The following UBR1 variants were observed in gnomAD, a reference collection of about 807,000 sequenced individuals.
UBR1 encodes the protein E3 ubiquitin-protein ligase UBR1.
A neutral mutation model predicts 242.1 loss-of-function variants in UBR1; 102 were observed. The ratio of observed to expected loss-of-function variants is 0.42; its 90% CI spans 0.36 to 0.50. UBR1 has a LOEUF of 0.50. UBR1 is among the 20% of genes least tolerant of loss of function. The probability of loss-of-function intolerance (pLI) is 0.01; values close to 1 mark genes in which losing one functional copy is unlikely to be tolerated. For missense variants in UBR1, 1,772 were observed against 2,101.8 expected (o/e 0.84, Z 3.07); for synonymous variants, 675 against 684.8 (o/e 0.99, Z 0.22).
Position 43,043,313 on chromosome 15 carries a change from G to A in UBR1, c.1751C>T (p.Thr584Ile), listed in dbSNP as rs753867982. The A allele has an allele frequency of 6.2e-7, 1 of 1,613,868 alleles. No homozygotes were observed. The highest frequency in any genetic ancestry group is 1.1e-5 in the South Asian group (1 of 91,080). ...ACTATGTCCACACGATTGTACTACT[G>A]TCTTGCTACTAGATATGAAACTGGT... ...CSTSFISSSK[T>I]VVQSCGHSLE... Residue 584 changes from threonine (T) to isoleucine (I), a missense_variant, in exon 15 of 47, where the codon ACA becomes ATA. By Grantham distance (89) the Thr-to-Ile change is moderately conservative. Coordinates refer to ENST00000290650, the MANE Select transcript of UBR1 (RefSeq NM_174916.3).
chr15:43,032,912 C>G (rs2033276218), intron 19 of UBR1, among the ~76,000 whole-genome samples: 1 of 152,216 alleles, frequency 6.6e-6, no homozygotes. Flanking sequence ...TTCAACTCTT[C>G]TTCTATTATT....
intron 39 of UBR1, among the ~76,000 whole-genome samples, chr15:42,971,926 C>T (rs1054397151): frequency 2.0e-5 from 3 of 152,098 alleles, no homozygotes; most frequent in Non-Finnish European, 2.9e-5. Flanking sequence ...AGAGGATTCC[C>T]TCTGTCTCTA....
rs919198834 is a variant in UBR1 at position 42,952,556 on chromosome 15, C to A, written c.4836-108G>T. 114 of 1,251,954 alleles carry A rather than the reference C, an allele frequency of 9.1e-5. No homozygotes were observed. The African/African-American group carries it at 1.5e-3, about 16-fold the overall frequency. The allele number at this position is 1,251,954 out of a possible 1,614,324, so 77.6% of individuals were successfully genotyped here. ...GCATGTTTTCATCACTGACCCCTTTCCAGCAAGGAAGCTCTTAAAACACAA... is the reference window on the plus strand; with the variant it reads ...GCATGTTTTCATCACTGACCCCTTTACAGCAAGGAAGCTCTTAAAACACAA... On this transcript the variant is annotated intron_variant, in intron 44 of 46. Coordinates refer to ENST00000290650, the MANE Select transcript of UBR1 (RefSeq NM_174916.3).
intron 46 of UBR1, among the ~76,000 whole-genome samples, chr15:42,947,731 C>T (rs1263258597): frequency 3.9e-5 from 6 of 152,094 alleles, no homozygotes; most frequent in Admixed American, 1.3e-4. Flanking sequence ...TTACAAGGGA[C>T]GTTTAGGACC....
intron 32 of UBR1, 114 bp downstream of exon 32, chr15:43,002,441 G>T: frequency 8.0e-7 from 1 of 1,248,244 alleles, no homozygotes; most frequent in Non-Finnish European, 1.1e-6. Context: ...GGCTGGTCTC[G>T]AACCCCTGAG....
chr15:43,001,135 G>T (rs558196857), intron 32 of UBR1, among the ~76,000 whole-genome samples: 1 of 151,888 alleles, frequency 6.6e-6, no homozygotes, highest in East Asian at 1.9e-4. Context: ...GCCCAGCCAA[G>T]GTTAGAGCAA....
chr15:43,104,278 T>C (rs1006241271), intron 1 of UBR1, among the ~76,000 whole-genome samples: 38 of 152,206 alleles, frequency 2.5e-4, no homozygotes, highest in African/African-American at 8.7e-4. Flanking sequence ...GGTTTTATTG[T>C]ATTATCTGGA....
At chr15:42,983,569 A>G (rs1325446292) in intron 37 of UBR1, among the ~76,000 whole-genome samples, 1 of 151,442 alleles carries the variant, frequency 6.6e-6, no homozygotes, top group Non-Finnish European at 1.5e-5. Flanking sequence ...GAGGGCTGAG[A>G]AAGCAGAATC....
intron 3 of UBR1, among the ~76,000 whole-genome samples, chr15:43,078,583 CTA>C (rs1185639297): frequency 6.6e-6 from 1 of 152,148 alleles, no homozygotes; most frequent in East Asian, 1.9e-4. Context: ...CTAAAGAAAA[CTA>C]TAACACAATG....
intron 3 of UBR1, among the ~76,000 whole-genome samples, chr15:43,082,067 T>C (rs2033980966): frequency 6.6e-6 from 1 of 152,170 alleles, no homozygotes; most frequent in African/African-American, 2.4e-5. Flanking sequence ...TTTTTATAAC[T>C]CCACAAACTT....
intron 40 of UBR1, among the ~76,000 whole-genome samples, chr15:42,966,995 C>T (rs939022887): frequency 7.9e-5 from 12 of 152,084 alleles, no homozygotes; most frequent in African/African-American, 2.4e-4. Context: ...TCTGGGCTCA[C>T]TGCAACCTCT....
chr15:42,999,153 C>T (rs192668256), intron 32 of UBR1, among the ~76,000 whole-genome samples: 14 of 152,208 alleles, frequency 9.2e-5, no homozygotes, highest in African/African-American at 3.4e-4. Context: ...GTTGGCCAGG[C>T]TGGTCTCGAT....
At chr15:43,026,789 A>G (rs2033183825) in intron 22 of UBR1, 126 bp from the exon 23 acceptor site, 2 of 775,596 alleles carry the variant, frequency 2.6e-6, no homozygotes, top group Admixed American at 2.6e-5. Flanking sequence ...CATTTAGCTT[A>G]TGAAAAATTC....
chr15:43,031,204 G>A (rs1027214632), intron 20 of UBR1, among the ~76,000 whole-genome samples: 2 of 151,750 alleles, frequency 1.3e-5, no homozygotes, highest in African/African-American at 4.8e-5. Context: ...ACTCCTGAGA[G>A]TAATGAACTT....
chr15:42,978,820 C>G (rs2032329892), intron 37 of UBR1, among the ~76,000 whole-genome samples: 1 of 151,364 alleles, frequency 6.6e-6, no homozygotes, highest in Non-Finnish European at 1.5e-5. Context: ...CCTCCGCCTC[C>G]CAGGTTCAAG....
chr15:42,967,219 G>GC (rs779608460), intron 40 of UBR1, among the ~76,000 whole-genome samples: 1 of 113,216 alleles, frequency 8.8e-6, no homozygotes, highest in African/African-American at 3.3e-5. Context: ...TGCTCAACTA[G>GC]TTTTTTTTTT....
At chr15:43,105,788 G>A (rs187982015) in intron 1 of UBR1, among the ~76,000 whole-genome samples, 154 bp downstream of exon 1, 13 of 152,300 alleles carry the variant, frequency 8.5e-5, no homozygotes, top group African/African-American at 3.1e-4. Context: ...AATGTGGGTT[G>A]CGACTAACTT....
At chr15:43,057,780 T>C (rs1012746490) in intron 10 of UBR1, among the ~76,000 whole-genome samples, 2 of 152,226 alleles carry the variant, frequency 1.3e-5, no homozygotes, top group African/African-American at 2.4e-5. Flanking sequence ...ACTGAATGCA[T>C]ATGTGAATGT....
chr15:42,977,501 G>C lies in UBR1; in HGVS notation c.4218+379C>G, dbSNP rs1356805543. On this transcript the variant is annotated intron_variant, in intron 38 of 46. Coordinates refer to ENST00000290650, the MANE Select transcript of UBR1 (RefSeq NM_174916.3). ...GGAAGCCTAGATACACCCATGGTCTGGTCCTCATCACCAAATAATTAATGA... is the reference window on the plus strand; with the variant it reads ...GGAAGCCTAGATACACCCATGGTCTCGTCCTCATCACCAAATAATTAATGA... Among the ~76,000 whole-genome samples the C allele has an allele frequency of 2.0e-4, 30 of 152,076 alleles. 1 individual carries two copies. Among genetic ancestry groups the C allele is most frequent in the Admixed American group, 1.4e-3 (22 of 15,258 alleles).
Sources: gnomAD v4.1 joint callset for allele counts (sites outside exome capture counted in the v4.1 genomes callset) on GRCh38, gnomAD v4.1.1 for gene constraint, MANE v1.5 for transcripts, NCBI Gene and HGNC (gene_info 2026-07-23, HGNC 2026-07-21) for gene names.